Variants in OSBPL10 observed in about 807,000 individuals in gnomAD.
The protein encoded by OSBPL10 is oxysterol binding protein like 10.
OSBPL10 carries 49 observed loss-of-function variants against 81.7 expected under a neutral mutation model. The ratio of observed to expected loss-of-function variants is 0.60; its 90% confidence interval spans 0.48 to 0.76. OSBPL10 has a LOEUF of 0.76. Ranked by LOEUF, OSBPL10 falls within the 30% of genes least tolerant of loss-of-function variation. The pLI is 0.00. For missense variants in OSBPL10, 923 were observed against 987.8 expected (o/e 0.93, Z 0.88); for synonymous variants, 419 against 383.6 (o/e 1.09, Z -1.08).
At chr3:31,789,767 G>A (rs145206938) in intron 4 of OSBPL10, among the ~76,000 whole-genome samples, 228 of 152,300 alleles carry the variant, frequency 1.5e-3, no homozygotes, top group Middle Eastern at 3.4e-3. Flanking sequence ...CTCTCCCTCT[G>A]CAAGGTTCTT....
chr3:31,676,477 T>C (rs1387130745), intron 8 of OSBPL10, among the ~76,000 whole-genome samples: 5 of 151,888 alleles, frequency 3.3e-5, no homozygotes, highest in African/African-American at 1.2e-4. Flanking sequence ...ATTCCACAAA[T>C]TGATTCGCCA....
intron 4 of OSBPL10, among the ~76,000 whole-genome samples, chr3:31,818,187 C>A (rs577741427): frequency 1.3e-5 from 2 of 152,192 alleles, no homozygotes; most frequent in Admixed American, 6.5e-5. Flanking sequence ...ACATTGGTGG[C>A]CTCTGAATAA....
chr3:31,998,057 T>C (rs888985559), intron 2 of OSBPL10, among the ~76,000 whole-genome samples: 1 of 152,132 alleles, frequency 6.6e-6, no homozygotes, highest in Non-Finnish European at 1.5e-5. Flanking sequence ...CCTCCTGAAG[T>C]GCCACAGGTG....
intron 1 of OSBPL10, among the ~76,000 whole-genome samples, chr3:31,934,269 A>G (rs897443410): frequency 1.3e-5 from 2 of 152,014 alleles, no homozygotes; most frequent in African/African-American, 4.8e-5. Context: ...CTAGGAATTC[A>G]AGATCAGCCT....
At chr3:31,970,702 G>C (rs1479888469) in intron 1 of OSBPL10, among the ~76,000 whole-genome samples, 8 of 152,194 alleles carry the variant, frequency 5.3e-5, no homozygotes, top group Non-Finnish European at 1.0e-4. Context: ...CTGATGCTTC[G>C]TGGACCCACA....
intron 1 of OSBPL10, among the ~76,000 whole-genome samples, chr3:31,944,185 G>A (rs934099388): frequency 1.3e-5 from 2 of 151,958 alleles, no homozygotes; most frequent in Non-Finnish European, 2.9e-5. Flanking sequence ...CTTACAACAA[G>A]TAGAATCACT....
chr3:31,916,595 A>G (rs773934010), intron 1 of OSBPL10, among the ~76,000 whole-genome samples: 1 of 152,184 alleles, frequency 6.6e-6, no homozygotes, highest in Non-Finnish European at 1.5e-5. Context: ...TCCACAGTCC[A>G]TGGCTCACCA....
chr3:31,853,701 C>T (rs1418401887), intron 3 of OSBPL10, among the ~76,000 whole-genome samples: 2 of 152,210 alleles, frequency 1.3e-5, no homozygotes, highest in Non-Finnish European at 2.9e-5. Flanking sequence ...TGGGCTGAGA[C>T]ACGTCAGCTC....
chr3:31,699,370 C>T (rs1017757312), intron 7 of OSBPL10, among the ~76,000 whole-genome samples: 3 of 152,194 alleles, frequency 2.0e-5, no homozygotes, highest in African/African-American at 7.2e-5. Flanking sequence ...GCCAGACCTT[C>T]GGTGACCCTC....
chr3:32,021,826 A>C (rs964286801), intron 2 of OSBPL10, among the ~76,000 whole-genome samples: 1 of 151,998 alleles, frequency 6.6e-6, no homozygotes, highest in Admixed American at 6.6e-5. Context: ...AAATACCAAA[A>C]AAATTAGCTG....
intron 4 of OSBPL10, among the ~76,000 whole-genome samples, chr3:31,776,996 C>A (rs1382686797): frequency 1.3e-5 from 2 of 152,096 alleles, no homozygotes; most frequent in Non-Finnish European, 2.9e-5. Flanking sequence ...AAAAAAAAAT[C>A]AAGAAATTCT....
intron 4 of OSBPL10, among the ~76,000 whole-genome samples, chr3:31,792,934 T>C (rs992899129): frequency 9.3e-5 from 14 of 150,438 alleles, no homozygotes; most frequent in African/African-American, 3.2e-4. Flanking sequence ...TATCCAGACA[T>C]ACTGGATGTT....
At chr3:31,741,752 C>A (rs1697358260) in intron 5 of OSBPL10, among the ~76,000 whole-genome samples, 1 of 152,202 alleles carries the variant, frequency 6.6e-6, no homozygotes, top group African/African-American at 2.4e-5. Flanking sequence ...CTTGTACCTC[C>A]CATAATTCTC....
chr3:32,067,921 G>A (rs796740799), intron 1 of OSBPL10, among the ~76,000 whole-genome samples: 15 of 152,250 alleles, frequency 9.9e-5, no homozygotes, highest in African/African-American at 2.4e-4. Context: ...ACACAGATGC[G>A]TATGACATTT....
At chr3:31,780,759 G>A (rs11711235) in intron 4 of OSBPL10, among the ~76,000 whole-genome samples, 106,111 of 151,752 alleles carry the variant, frequency 0.7, 37,228 homozygotes, top group East Asian at 0.81. Context: ...ATTAAATTAG[G>A]AAGAAATAGA....
intron 3 of OSBPL10, among the ~76,000 whole-genome samples, chr3:31,857,886 GAGAGAGAGAA>G (rs1160180884): frequency 7.0e-6 from 1 of 142,480 alleles, no homozygotes; most frequent in African/African-American, 2.6e-5. Flanking sequence ...AAGGGGGGGA[GAGAGAGAGAA>G]AGAGAGAGAG....
intron 4 of OSBPL10, among the ~76,000 whole-genome samples, chr3:31,808,376 C>T (rs1373216008): frequency 6.6e-6 from 1 of 152,178 alleles, no homozygotes; most frequent in Non-Finnish European, 1.5e-5. Flanking sequence ...AGACTGAGGT[C>T]CCCAAATGTA....
chr3:31,759,045 C>G (rs965311160), intron 4 of OSBPL10, among the ~76,000 whole-genome samples: 1 of 151,742 alleles, frequency 6.6e-6, no homozygotes, highest in African/African-American at 2.4e-5. Flanking sequence ...AATATTTTTC[C>G]TCCCCTATGA....
At chr3:31,875,555 T>TA (rs60853105) in intron 3 of OSBPL10, among the ~76,000 whole-genome samples, 48,500 of 143,314 alleles carry the variant, frequency 0.34, 9,337 homozygotes, top group Middle Eastern at 0.51. Flanking sequence ...GATGTTTCTT[T>TA]AAAAAAAAAA....
Sources: allele counts gnomAD v4.1 joint callset (sites outside exome capture counted in the v4.1 genomes callset), GRCh38; gene constraint gnomAD v4.1.1; transcripts MANE v1.5; gene names NCBI Gene and HGNC (gene_info 2026-07-23, HGNC 2026-07-21).